The following TLK2 variants were observed in gnomAD, a reference collection of about 807,000 sequenced individuals.
TLK2 encodes the protein tousled like kinase 2, also known as serine/threonine-protein kinase tousled-like 2.
A neutral mutation model predicts 117.3 loss-of-function variants in TLK2; 6 were observed. The ratio of observed to expected loss-of-function variants is 0.05; its 90% CI spans 0.03 to 0.10. TLK2 has a LOEUF of 0.10. TLK2 is among the 10% of genes least tolerant of loss of function. The pLI is 1.00. For synonymous variants in TLK2, 257 were observed against 316.7 expected (o/e 0.81, Z 2.00); for missense variants, 299 against 901.2 (o/e 0.33, Z 8.56).
chr17:62,570,964 G>A (rs118153325), intron 11 of TLK2, among the ~76,000 whole-genome samples: 3,822 of 152,266 alleles, frequency 0.025, 70 homozygotes, highest in Middle Eastern at 0.068. Context: ...ACTGTATATT[G>A]TATGTTTATC....
chr17:62,586,071 T>C, intron 15 of TLK2, 64 bp from the exon 16 acceptor site: 2 of 1,240,640 alleles, frequency 1.6e-6, no homozygotes, highest in South Asian at 2.7e-5. Flanking sequence ...AAATTAAAGC[T>C]TCACATCAGT....
At chr17:62,603,727 G>T (rs1205138956) in intron 19 of TLK2, among the ~76,000 whole-genome samples, 1 of 151,980 alleles carries the variant, frequency 6.6e-6, no homozygotes, top group Non-Finnish European at 1.5e-5. Flanking sequence ...TACTTAGGGG[G>T]TCATTTTACT....
intron 17 of TLK2, chr17:62,597,296 A>G (rs1238796363): frequency 6.6e-6 from 1 of 152,158 alleles, no homozygotes; most frequent in Non-Finnish European, 1.5e-5. Context: ...TTCACTTACC[A>G]TGGTGTTGTC....
At position 62,483,824 on chromosome 17, in the gene TLK2, C is replaced by A. The variant is rs79773425; in HGVS notation, c.81+2618C>A. Among the ~76,000 whole-genome samples the A allele has an allele frequency of 2.7e-4, 41 of 151,426 alleles. No homozygotes were observed. In the East Asian group the frequency reaches 7.6e-3, roughly 28 times the overall value. On this transcript the variant is annotated intron_variant, in intron 2 of 21. Coordinates refer to ENST00000346027, the MANE Select transcript of TLK2 (RefSeq NM_006852.6). ...AGCTTTATTTCCAGTTGTTTTTATT[C>A]CATTAGTTGTTTTTTTTTTGAGACA...
chr17:62,502,997 A>C (rs1249656938), intron 2 of TLK2, among the ~76,000 whole-genome samples: 1 of 151,654 alleles, frequency 6.6e-6, no homozygotes, highest in Non-Finnish European at 1.5e-5. Context: ...TTATAATCTA[A>C]TGGAAATTGA....
At chr17:62,597,785 T>C (rs1567997966) in intron 17 of TLK2, among the ~76,000 whole-genome samples, 1 of 152,226 alleles carries the variant, frequency 6.6e-6, no homozygotes, top group Admixed American at 6.5e-5. Flanking sequence ...TGGGCATTGC[T>C]ATATTTTGTT....
chr17:62,510,624 G>C (rs2075069332), intron 2 of TLK2, among the ~76,000 whole-genome samples: 1 of 152,218 alleles, frequency 6.6e-6, no homozygotes, highest in African/African-American at 2.4e-5. Context: ...TTGGCTTGCA[G>C]ATGTCTGCCT....
chr17:62,605,610 C>T (rs1289880336), intron 19 of TLK2, among the ~76,000 whole-genome samples: 2 of 152,012 alleles, frequency 1.3e-5, no homozygotes, highest in African/African-American at 4.8e-5. Flanking sequence ...TGAGTTCAAG[C>T]GATCTGCTGG....
chr17:62,513,508 A>G (rs1393504042), intron 2 of TLK2, among the ~76,000 whole-genome samples: 1 of 151,458 alleles, frequency 6.6e-6, no homozygotes, highest in Non-Finnish European at 1.5e-5. Context: ...ATTTTTTTGT[A>G]CAGATGGGAT....
chr17:62,574,071 A>G (rs1464886635), intron 12 of TLK2, among the ~76,000 whole-genome samples: 2 of 152,246 alleles, frequency 1.3e-5, no homozygotes, highest in African/African-American at 2.4e-5. Context: ...AGATAGCTGC[A>G]GATAAAAGAT....
At chr17:62,476,682 C>T (rs999586301), upstream of TLK2, among the ~76,000 whole-genome samples, 3 of 152,076 alleles carry the variant, frequency 2.0e-5, no homozygotes, top group East Asian at 1.9e-4. Flanking sequence ...GATGATAGGC[C>T]CATGTGGCTT....
chr17:62,471,513 G>GT (rs2070938777), intron 1 of TLK2, among the ~76,000 whole-genome samples: 1 of 152,206 alleles, frequency 6.6e-6, no homozygotes, highest in Non-Finnish European at 1.5e-5. Flanking sequence ...TCTGGAGGCT[G>GT]TTTATGTGCC....
In TLK2 at chr17:62,513,225, TTTTG is replaced by T. The variant is rs529334528; in HGVS notation, c.82-7536_82-7533del. Among the ~76,000 whole-genome samples the T allele has an allele frequency of 3.5e-3, 538 of 151,702 alleles. 1 individual carries two copies. Among genetic ancestry groups the T allele is most frequent in the African/African-American group, 0.012 (505 of 41,384 alleles). ...GTAAGCAAGGTGTTTTTTTGTTTTG[TTTTG>T]TTTGTTTGTTTTGCCTATGCATCTA... On this transcript the variant is annotated intron_variant, in intron 2 of 21. Coordinates refer to ENST00000346027, the MANE Select transcript of TLK2 (RefSeq NM_006852.6).
intron 10 of TLK2, among the ~76,000 whole-genome samples, chr17:62,563,359 A>G (rs1598608856): frequency 1.3e-5 from 2 of 152,180 alleles, no homozygotes; most frequent in African/African-American, 4.8e-5. Context: ...TGGGAGGATC[A>G]TTGGAGCCAG....
At chr17:62,514,195 G>A (rs1034307096) in intron 2 of TLK2, among the ~76,000 whole-genome samples, 7 of 150,894 alleles carry the variant, frequency 4.6e-5, no homozygotes, top group African/African-American at 9.8e-5. Flanking sequence ...CCAGGCTGGT[G>A]TGCAGTGGTG....
At chr17:62,611,022 C>T (rs1468867679) in intron 21 of TLK2, among the ~76,000 whole-genome samples, 1 of 152,116 alleles carries the variant, frequency 6.6e-6, no homozygotes, top group African/African-American at 2.4e-5. Context: ...GCCTTTGGTC[C>T]TAGCTACTTG....
intron 2 of TLK2, among the ~76,000 whole-genome samples, chr17:62,510,545 A>T (rs1463365088): frequency 1.3e-5 from 2 of 152,220 alleles, no homozygotes; most frequent in African/African-American, 4.8e-5. Context: ...TTATTTTCTT[A>T]TAGTTCTGAA....
intron 20 of TLK2, among the ~76,000 whole-genome samples, chr17:62,607,473 G>C (rs531908973): frequency 6.6e-6 from 1 of 151,946 alleles, no homozygotes; most frequent in African/African-American, 2.4e-5. Flanking sequence ...AGCTTTCACT[G>C]AGCTGAGATC....
chr17:62,535,061 G>A (rs2077021706), intron 6 of TLK2, among the ~76,000 whole-genome samples: 1 of 151,672 alleles, frequency 6.6e-6, no homozygotes, highest in Non-Finnish European at 1.5e-5. Flanking sequence ...GATAATTTTT[G>A]TATTTTTAAT....
Sources: gnomAD v4.1 joint callset for allele counts (sites outside exome capture counted in the v4.1 genomes callset) on GRCh38, gnomAD v4.1.1 for gene constraint, MANE v1.5 for transcripts, NCBI Gene and HGNC (gene_info 2026-07-23, HGNC 2026-07-21) for gene names.